Variants in DNAH9 observed in about 807,000 individuals in gnomAD.
DNAH9 encodes dynein axonemal heavy chain 9, also known as DNAH9 variant protein.
Under a neutral mutation model 471.6 loss-of-function variants are expected in DNAH9, and 345 were observed. The observed-to-expected ratio is 0.73, with a 90% CI of 0.67 to 0.80. DNAH9 has a LOEUF of 0.80. Among genes scored for constraint, DNAH9 ranks in the 30% least tolerant of loss-of-function variants. The pLI, the probability that DNAH9 is intolerant of heterozygous loss-of-function variation, is 0.00. For synonymous variants in DNAH9, 2,093 were observed against 2,123.6 expected, an observed-to-expected ratio of 0.99 and a Z score of 0.40; for missense variants, 5,407 against 5,609.2, an observed-to-expected ratio of 0.96 and a Z score of 1.15.
At position 11,932,198 on chromosome 17, in the gene DNAH9, A is replaced by T; in HGVS notation, c.12290A>T (p.Asn4097Ile). The T allele has an allele frequency of 6.2e-7, 1 of 1,613,994 alleles. No individual in the cohort carries two copies. ...VNVLYNFLEA[N>I]AKVPYDDLRY... ...GTCCTCTACAACTTCCTGGAGGCCA[A>T]CGCAAAGGTAAAGGCCATGGACATT... Residue 4097 changes from asparagine (N) to isoleucine (I), a missense_variant, in exon 64 of 69, where the codon AAC becomes ATC. This residue lies in a region of DNAH9 where 4,636 missense variants were observed against 4,900.3 expected (regional missense o/e 0.95). Transcript: ENST00000262442. This position sits in a 1 kb window ranked among gnomAD's most constrained non-coding sequence, Gnocchi z 4.3.
chr17:11,699,464 A>C (rs959842561), intron 22 of DNAH9, among the ~76,000 whole-genome samples: 3 of 152,208 alleles, frequency 2.0e-5, no homozygotes, highest in African/African-American at 7.2e-5. Flanking sequence ...AGACCAATCC[A>C]AATTTAGTCA....
chr17:11,636,630 AC>A lies in DNAH9; in HGVS notation c.1636-3del. On this transcript the variant is annotated splice_polypyrimidine_tract_variant and splice_region_variant and intron_variant, in intron 8 of 68. Transcript: ENST00000262442. ...TTCCTCTTTTTCCTCCACCTTCCCT[AC>A]AGCTGCTAGACATAGCAGGAAACCT... is the stretch of plus-strand genomic sequence containing the variant. 6.2e-7 allele frequency: 1 copy of A among 1,611,956 alleles called. No individual in the cohort carries two copies. Among genetic ancestry groups the A allele is most frequent in the Non-Finnish European group, 8.5e-7 (1 of 1,178,402 alleles).
intron 19 of DNAH9, among the ~76,000 whole-genome samples, chr17:11,688,250 A>G (rs1027029269): frequency 2.6e-5 from 4 of 152,144 alleles, no homozygotes; most frequent in Admixed American, 1.3e-4. Context: ...CTTGCATGCC[A>G]TAAACACTGG....
At chr17:11,802,659 A>ATAC (rs1969509318) in intron 43 of DNAH9, among the ~76,000 whole-genome samples, 1 of 151,400 alleles carries the variant, frequency 6.6e-6, no homozygotes, top group South Asian at 2.1e-4. Flanking sequence ...AAAAAAAAAA[A>ATAC]AAAAGTGGGA....
chr17:11,759,439 C>T (rs1304399093), intron 35 of DNAH9, among the ~76,000 whole-genome samples: 1 of 150,948 alleles, frequency 6.6e-6, no homozygotes, highest in Non-Finnish European at 1.5e-5. Context: ...ATGCATGTTG[C>T]TGCAAAAGAC....
intron 12 of DNAH9, 30 bp downstream of exon 12, chr17:11,647,228 G>T (rs2073411982): frequency 6.2e-7 from 1 of 1,604,512 alleles, no homozygotes; most frequent in Non-Finnish European, 8.5e-7. Context: ...CTCTCTTTTG[G>T]GTTCCTGAAG....
intron 68 of DNAH9, among the ~76,000 whole-genome samples, chr17:11,967,114 G>GT (rs148433205): frequency 0.011 from 1,577 of 144,268 alleles, 31 homozygotes; most frequent in African/African-American, 0.038. Flanking sequence ...TTTGTTTTTT[G>GT]TTTTTTTTAA....
chr17:11,930,572 C>T (rs1443205568), intron 63 of DNAH9, among the ~76,000 whole-genome samples: 1 of 151,918 alleles, frequency 6.6e-6, no homozygotes, highest in African/African-American at 2.4e-5. Flanking sequence ...TGTTAGACCC[C>T]CTAAAGTATG....
At chr17:11,755,077 A>G (rs999669201) in intron 33 of DNAH9, among the ~76,000 whole-genome samples, 3 of 152,186 alleles carry the variant, frequency 2.0e-5, no homozygotes, top group South Asian at 2.1e-4. Flanking sequence ...CATGTGTTAA[A>G]TAGGCTTCCC....
chr17:11,886,666 G>A (rs1273456999), intron 56 of DNAH9, among the ~76,000 whole-genome samples, 159 bp from the exon 57 acceptor site: 3 of 151,994 alleles, frequency 2.0e-5, no homozygotes, highest in Non-Finnish European at 2.9e-5. Flanking sequence ...TTCTAGGAAG[G>A]AATACCATAG....
intron 11 of DNAH9, 125 bp from the exon 12 acceptor site, chr17:11,646,947 G>C: frequency 1.1e-6 from 1 of 906,930 alleles, no homozygotes; most frequent in Non-Finnish European, 1.6e-6. Flanking sequence ...GTTACTCTCA[G>C]AAGCTGACCC....
At chr17:11,744,244 C>T (rs964777479) in intron 30 of DNAH9, among the ~76,000 whole-genome samples, 6 of 152,114 alleles carry the variant, frequency 3.9e-5, no homozygotes, top group African/African-American at 7.2e-5. Flanking sequence ...CTGTTCTGCC[C>T]ACTACAGCTC....
At chr17:11,678,192 G>C (rs2074079057) in intron 17 of DNAH9, among the ~76,000 whole-genome samples, 1 of 152,100 alleles carries the variant, frequency 6.6e-6, no homozygotes, top group African/African-American at 2.4e-5. Context: ...CGAGTAGCTG[G>C]GACTACAGGC....
intron 59 of DNAH9, among the ~76,000 whole-genome samples, chr17:11,896,372 AG>A (rs757856308): frequency 3.3e-5 from 5 of 152,248 alleles, no homozygotes; most frequent in Non-Finnish European, 5.9e-5. Context: ...AGCCAGTCAC[AG>A]TATAAGTGAA....
At chr17:11,885,212 G>T (rs927354417) in intron 56 of DNAH9, among the ~76,000 whole-genome samples, 4 of 152,184 alleles carry the variant, frequency 2.6e-5, no homozygotes, top group Non-Finnish European at 5.9e-5. Context: ...CAGGGCTGAG[G>T]GCTGAGGCCA....
Position 11,886,506 on chromosome 17 carries a change from C to CTTT in DNAH9, c.10972-303_10972-301dup, listed in dbSNP as rs55645155. ...CATTCTAGTTCATTTTTGAGTCATA[C>CTTT]TTTTTTTTTTTTTTTTTTGCATTTC... On this transcript the variant is annotated intron_variant, in intron 56 of 68. Transcript: ENST00000262442. 6.6e-3 allele frequency among the ~76,000 whole-genome samples: 837 copies of CTTT among 127,268 alleles called. 10 individuals are homozygous for CTTT. The highest frequency in any genetic ancestry group is 0.024 in the African/African-American group (797 of 33,744). 83.5% of individuals were successfully genotyped at this position (127,268 alleles called of 152,430 possible). A position where few individuals can be genotyped will look rare whatever the true frequency, so the allele number is the denominator to read the frequency against.
chr17:11,659,352 A>G (rs1313242047), intron 14 of DNAH9, among the ~76,000 whole-genome samples: 2 of 152,192 alleles, frequency 1.3e-5, no homozygotes, highest in Non-Finnish European at 2.9e-5. Flanking sequence ...ATAATGTAAA[A>G]GAGTCTTGGA....
At chr17:11,731,550 T>A (rs1388988104) in intron 28 of DNAH9, among the ~76,000 whole-genome samples, 5 of 81,122 alleles carry the variant, frequency 6.2e-5, no homozygotes, top group Admixed American at 2.0e-4. Context: ...CCCTCCCCCC[T>A]CCCCCCACCC....
chr17:11,845,111 C>T (rs1971173510), intron 49 of DNAH9, among the ~76,000 whole-genome samples: 1 of 151,202 alleles, frequency 6.6e-6, no homozygotes, highest in Non-Finnish European at 1.5e-5. Context: ...CCCACTAACT[C>T]GTCATCTAGC....
Sources: gnomAD v4.1 joint callset for allele counts (sites outside exome capture counted in the v4.1 genomes callset) on GRCh38, gnomAD v4.1.1 for gene constraint, gnomAD v4.1.1 regional missense constraint, Gnocchi (gnomAD v3.1) non-coding constraint, MANE v1.5 for transcripts, NCBI Gene and HGNC (gene_info 2026-07-23, HGNC 2026-07-21) for gene names.